The following PPHLN1 variants were observed in gnomAD, a reference collection of about 807,000 sequenced individuals.
PPHLN1 encodes the protein periphilin-1.
A neutral mutation model predicts 51.3 loss-of-function variants in PPHLN1; 29 were observed. That is an observed-to-expected ratio of 0.57 (90% CI 0.42 to 0.77). The LOEUF (loss-of-function observed/expected upper bound fraction) is 0.77, where lower values mean the gene tolerates loss of function less well. PPHLN1 is among the 30% of genes least tolerant of loss of function. The pLI, the probability that PPHLN1 is intolerant of heterozygous loss-of-function variation, is 0.00. For missense variants in PPHLN1, 436 were observed against 438.4 expected (o/e 0.99, Z 0.05); for synonymous variants, 147 against 147.8 (o/e 0.99, Z 0.04).
chr12:42,385,687 G>A (rs777584620), intron 6 of PPHLN1, among the ~76,000 whole-genome samples: 2 of 152,148 alleles, frequency 1.3e-5, no homozygotes, highest in Non-Finnish European at 2.9e-5. Context: ...CTCCTTTGAA[G>A]GGATTGCTTA....
chr12:42,343,468 T>G (rs2071789017), intron 2 of PPHLN1, among the ~76,000 whole-genome samples: 1 of 152,244 alleles, frequency 6.6e-6, no homozygotes, highest in Non-Finnish European at 1.5e-5. Flanking sequence ...CTTTATCATG[T>G]ATTTATTCAT....
chr12:42,424,327 C>A (rs1476003864), intron 9 of PPHLN1, among the ~76,000 whole-genome samples: 2 of 152,108 alleles, frequency 1.3e-5, no homozygotes, highest in Non-Finnish European at 2.9e-5. Context: ...GGACAGAAAC[C>A]AAATTTAGAA....
chr12:42,433,501 T>C, intron 9 of PPHLN1: 1 of 240,630 alleles, frequency 4.2e-6, no homozygotes, highest in Non-Finnish European at 8.1e-6. Flanking sequence ...TTTTTCTATT[T>C]TTTAGTAGAG....
intron 5 of PPHLN1, among the ~76,000 whole-genome samples, chr12:42,381,065 G>A (rs1202049473): frequency 2.0e-5 from 3 of 152,120 alleles, no homozygotes; most frequent in South Asian, 2.1e-4. Context: ...AGGTTTATGG[G>A]GATGAGTTAC....
At chr12:42,329,880 C>A (rs2069433186) in intron 1 of PPHLN1, 2 of 152,126 alleles carry the variant, frequency 1.3e-5, no homozygotes, top group South Asian at 4.2e-4. Flanking sequence ...AGAGAAAGAA[C>A]AGTGGGCCCA....
chr12:42,413,862 C>T (rs946285920), intron 9 of PPHLN1, among the ~76,000 whole-genome samples: 23 of 150,632 alleles, frequency 1.5e-4, no homozygotes, highest in African/African-American at 4.4e-4. Context: ...TGTGCCCAGC[C>T]GATAACTGTA....
chr12:42,328,994 A>G (rs1163355358), intron 1 of PPHLN1, among the ~76,000 whole-genome samples: 2 of 152,032 alleles, frequency 1.3e-5, no homozygotes, highest in African/African-American at 4.8e-5. Flanking sequence ...GATTACGGGC[A>G]TGAGCCACCG....
At chr12:42,429,467 C>G (rs79760384) in intron 9 of PPHLN1, among the ~76,000 whole-genome samples, 11,756 of 152,304 alleles carry the variant, frequency 0.077, 509 homozygotes, top group East Asian at 0.15. Flanking sequence ...TTTAAACACT[C>G]TATGCTTTTT....
intron 9 of PPHLN1, among the ~76,000 whole-genome samples, chr12:42,426,049 T>A (rs2081425222): frequency 6.6e-6 from 1 of 152,224 alleles, no homozygotes; most frequent in Non-Finnish European, 1.5e-5. Flanking sequence ...GGCAGATGGC[T>A]GATCTGACCT....
intron 3 of PPHLN1, among the ~76,000 whole-genome samples, chr12:42,353,811 A>T (rs1352573353): frequency 3.9e-5 from 6 of 152,184 alleles, no homozygotes; most frequent in Admixed American, 2.6e-4. Context: ...TTGAAACCTC[A>T]TGAAAATGAT....
chr12:42,338,739 C>T (rs568255174), intron 2 of PPHLN1, among the ~76,000 whole-genome samples: 3 of 152,092 alleles, frequency 2.0e-5, no homozygotes, highest in Admixed American at 6.5e-5. Flanking sequence ...CCTTGTTGTA[C>T]GTTAAAATTT....
downstream of PPHLN1, chr12:42,447,884 C>A (rs2083375849): frequency 6.6e-6 from 1 of 151,960 alleles, no homozygotes; most frequent in Admixed American, 6.6e-5. Context: ...TAAATGAGAC[C>A]ACCTTGGATT....
At chr12:42,426,102 A>C (rs1031510982) in intron 9 of PPHLN1, among the ~76,000 whole-genome samples, 1 of 151,794 alleles carries the variant, frequency 6.6e-6, no homozygotes, top group African/African-American at 2.4e-5. Flanking sequence ...TATATGGAAA[A>C]ATAATCCACG....
intron 5 of PPHLN1, among the ~76,000 whole-genome samples, chr12:42,381,937 G>A (rs1158698218): frequency 6.6e-6 from 1 of 152,144 alleles, no homozygotes; most frequent in Non-Finnish European, 1.5e-5. Context: ...CAAGCACTGC[G>A]CTAAGAATCT....
At position 42,351,904 on chromosome 12, in the gene PPHLN1, T is replaced by A. The variant is rs761629735; in HGVS notation, c.92T>A (p.Val31Asp). 6.3e-7 allele frequency: 1 copy of A among 1,577,268 alleles called. No individual in the cohort carries two copies. The highest frequency in any genetic ancestry group is 1.4e-5 in the African/African-American group (1 of 72,324). ...TTTTAGGATGGCTACAATAGACTAG[T>A]TAATATTGTGCCAAAGAAACCACCA... ...SHPSDGYNRL[V>D]NIVPKKPPLL... The change falls in exon 3 of 10, where the codon GTT becomes GAT. Residue 31 changes from valine (V) to aspartate (D), a missense_variant. Physicochemically the swap from Val to Asp is radical, Grantham distance 152 (BLOSUM62 -3). Transcript: ENST00000358314.
rs1310191379 is a variant in PPHLN1 at position 42,385,907 on chromosome 12, T to C, written c.568+911T>C. On this transcript the variant is annotated intron_variant, in intron 6 of 9. Transcript: ENST00000358314. ...ACACTATCACACTATGATGTGAAAT[T>C]TGCCACATGCAATGGAAATACAATA... Among the ~76,000 whole-genome samples, 4 of 152,232 alleles carry C rather than the reference T, an allele frequency of 2.6e-5. No homozygotes were observed. In the East Asian group the frequency reaches 7.7e-4, roughly 29 times the overall value.
intron 9 of PPHLN1, among the ~76,000 whole-genome samples, chr12:42,420,869 T>C (rs971755416): frequency 6.6e-6 from 1 of 152,078 alleles, no homozygotes; most frequent in Non-Finnish European, 1.5e-5. Context: ...TTTAGGCTTT[T>C]CACTATTTTG....
At chr12:42,448,054 CCTT>C (rs145396873), downstream of PPHLN1, 11,639 of 146,132 alleles carry the variant, frequency 0.08, 499 homozygotes, top group East Asian at 0.15. Flanking sequence ...TCTTGTTTCT[CCTT>C]CTCCCCGCTT....
chr12:42,426,346 G>C (rs1222609175), intron 9 of PPHLN1, among the ~76,000 whole-genome samples: 1 of 151,966 alleles, frequency 6.6e-6, no homozygotes, highest in East Asian at 1.9e-4. Context: ...ATTTATCTTT[G>C]CTAAGGATTT....
Sources: allele counts gnomAD v4.1 joint callset (sites outside exome capture counted in the v4.1 genomes callset), GRCh38; gene constraint gnomAD v4.1.1; transcripts MANE v1.5; gene names NCBI Gene and HGNC (gene_info 2026-07-23, HGNC 2026-07-21).